The following EPHA4 variants were observed in gnomAD, a reference collection of about 807,000 sequenced individuals.
EPHA4 encodes the protein EPH receptor A4, also known as ephrin type-A receptor 4.
In EPHA4, 19 loss-of-function variants were observed where a neutral mutation model predicts 108.3. The observed-to-expected ratio is 0.18, with a 90% CI of 0.12 to 0.26. The LOEUF is 0.26. Among genes scored for constraint, EPHA4 ranks in the 10% least tolerant of loss-of-function variants. The pLI is 1.00. For missense variants in EPHA4, 917 were observed against 1,254.0 expected (o/e 0.73, Z 4.06); for synonymous variants, 449 against 455.5 (o/e 0.99, Z 0.18).
intron 14 of EPHA4, among the ~76,000 whole-genome samples, chr2:221,432,293 C>G (rs182343996): frequency 3.7e-4 from 56 of 152,158 alleles, no homozygotes; most frequent in Admixed American, 1.8e-3. Context: ...GCTTAAGTAT[C>G]GAATAATTAC....
chr2:221,570,174 G>A (rs1355149738), intron 1 of EPHA4, among the ~76,000 whole-genome samples: 1 of 152,026 alleles, frequency 6.6e-6, no homozygotes, highest in Non-Finnish European at 1.5e-5. Context: ...AAAAGGAAAC[G>A]TGATGGGAAT....
chr2:221,460,235 T>C (rs549826231), intron 5 of EPHA4, among the ~76,000 whole-genome samples: 2 of 152,104 alleles, frequency 1.3e-5, no homozygotes, highest in Admixed American at 1.3e-4. Flanking sequence ...ACAGCTGTCA[T>C]AAAAATGGAG....
chr2:221,485,376 G>A (rs921780116), intron 4 of EPHA4, among the ~76,000 whole-genome samples: 2 of 152,194 alleles, frequency 1.3e-5, no homozygotes, highest in Non-Finnish European at 2.9e-5. Flanking sequence ...TGTGGGCAGC[G>A]ATTCTGAAGG....
chr2:221,502,683 T>C, intron 3 of EPHA4: 1 of 444,610 alleles, frequency 2.2e-6, no homozygotes, highest in Non-Finnish European at 4.6e-6. Context: ...ATTTTCTTAA[T>C]CATACTCTTG....
chr2:221,455,440 C>G, intron 8 of EPHA4, 107 bp downstream of exon 8: 1 of 844,394 alleles, frequency 1.2e-6, no homozygotes, highest in Non-Finnish European at 1.9e-6. Flanking sequence ...ATGCAGATGC[C>G]AAGTTTATGA....
chr2:221,482,014 C>T (rs977851080), intron 5 of EPHA4, among the ~76,000 whole-genome samples: 1 of 152,168 alleles, frequency 6.6e-6, no homozygotes, highest in South Asian at 2.1e-4. Context: ...AAGCAATCCT[C>T]CCACCTGAGC....
intron 11 of EPHA4, among the ~76,000 whole-genome samples, chr2:221,442,262 G>T (rs887804054): frequency 1.3e-5 from 2 of 152,172 alleles, no homozygotes; most frequent in Non-Finnish European, 2.9e-5. Flanking sequence ...GAGCTGTGTC[G>T]CATTTTAACT....
chr2:221,544,181 A>AG (rs1693917260), intron 3 of EPHA4, among the ~76,000 whole-genome samples: 1 of 152,200 alleles, frequency 6.6e-6, no homozygotes, highest in Admixed American at 6.5e-5. Context: ...ATAAATTCGA[A>AG]GGGGGCATAA....
chr2:221,464,412 A>T lies in EPHA4; in HGVS notation c.1319-6422T>A, dbSNP rs114102295. Among the ~76,000 whole-genome samples the T allele has an allele frequency of 3.0e-3, 454 of 152,306 alleles. 3 individuals are homozygous for T. The highest frequency in any genetic ancestry group is 0.011 in the African/African-American group (441 of 41,574). On this transcript the variant is annotated intron_variant, in intron 5 of 17. Coordinates refer to ENST00000281821, the MANE Select transcript of EPHA4 (RefSeq NM_004438.5). ...GCATCAGAATTAAATGCTTCAGAGC[A>T]CTAATGATATCCTTGTGATTAAGGG... is the stretch of plus-strand genomic sequence containing the variant.
intron 5 of EPHA4, among the ~76,000 whole-genome samples, chr2:221,480,043 TCCCACCCCAC>T (rs1208371977): frequency 6.8e-6 from 1 of 147,532 alleles, no homozygotes; most frequent in Non-Finnish European, 1.5e-5. Context: ...TAAAACTTCA[TCCCACCCCAC>T]CCCACCCCAC....
intron 8 of EPHA4, among the ~76,000 whole-genome samples, chr2:221,449,725 A>C (rs1397836845): frequency 6.6e-6 from 1 of 152,244 alleles, no homozygotes; most frequent in Non-Finnish European, 1.5e-5. Flanking sequence ...GGAGCAAGGC[A>C]GGGGCCCAGC....
intron 8 of EPHA4, among the ~76,000 whole-genome samples, chr2:221,447,046 A>G (rs1176067476): frequency 6.6e-6 from 1 of 152,210 alleles, no homozygotes; most frequent in African/African-American, 2.4e-5. Flanking sequence ...CTGGAAAATC[A>G]ACTCAAGCCT....
Position 221,569,757 on chromosome 2 carries a change from G to T in EPHA4, c.92-972C>A, listed in dbSNP as rs192976786. On this transcript the variant is annotated intron_variant, in intron 1 of 17. Coordinates refer to ENST00000281821, the MANE Select transcript of EPHA4 (RefSeq NM_004438.5). Reference sequence around the variant, plus strand: ...TGGCTCTTCAGGCTGGGGGAGGGGTGGGAATGGGAAGCCGCCATCCGTGCT... The same window carrying T: ...TGGCTCTTCAGGCTGGGGGAGGGGTTGGAATGGGAAGCCGCCATCCGTGCT... 3.0e-3 allele frequency among the ~76,000 whole-genome samples: 450 copies of T among 152,128 alleles called. 1 individual carries two copies. The highest frequency in any genetic ancestry group is 0.017 in the Middle Eastern group (5 of 294).
At chr2:221,535,604 A>G (rs1693646709) in intron 3 of EPHA4, among the ~76,000 whole-genome samples, 1 of 151,560 alleles carries the variant, frequency 6.6e-6, no homozygotes, top group African/African-American at 2.4e-5. Flanking sequence ...TTCCTCTTCA[A>G]ACAACGGATT....
chr2:221,425,755 A>C lies in EPHA4; in HGVS notation c.*273T>G. On this transcript the variant is annotated 3_prime_UTR_variant, in exon 17 of 18. Coordinates refer to ENST00000281821, the MANE Select transcript of EPHA4 (RefSeq NM_004438.5). Reference sequence around the variant, plus strand: ...AACTCAGAGGCAGTGTTCTATTTCTATAGGTACATGTATTTTACAGACTGG... The same window carrying C: ...AACTCAGAGGCAGTGTTCTATTTCTCTAGGTACATGTATTTTACAGACTGG... 1 of 353,430 alleles carries C rather than the reference A, an allele frequency of 2.8e-6. No individual in the cohort carries two copies. The highest frequency in any genetic ancestry group is 5.2e-6 in the Non-Finnish European group (1 of 194,078). 21.9% of individuals were successfully genotyped at this position (353,430 alleles called of 1,614,324 possible).
At chr2:221,553,465 T>C (rs529985248) in intron 3 of EPHA4, among the ~76,000 whole-genome samples, 15 of 152,198 alleles carry the variant, frequency 9.9e-5, no homozygotes, top group Non-Finnish European at 2.2e-4. Flanking sequence ...TGGCCCATAT[T>C]TACCTGCCAT....
intron 3 of EPHA4, among the ~76,000 whole-genome samples, chr2:221,548,360 C>CT (rs1694063190): frequency 6.7e-6 from 1 of 149,726 alleles, no homozygotes; most frequent in African/African-American, 2.5e-5. Context: ...GAGAGTCCGT[C>CT]TCAAAAAAAA....
At chr2:221,440,599 C>G (rs971046796) in intron 11 of EPHA4, among the ~76,000 whole-genome samples, 2 of 147,468 alleles carry the variant, frequency 1.4e-5, no homozygotes, top group Admixed American at 1.3e-4. Context: ...ATCCTTCTCA[C>G]CAAGGTTCCT....
intron 3 of EPHA4, among the ~76,000 whole-genome samples, chr2:221,508,264 G>A (rs1328703844): frequency 2.6e-5 from 4 of 152,174 alleles, no homozygotes; most frequent in Non-Finnish European, 5.9e-5. Flanking sequence ...TTTGGAGTGG[G>A]GAGAGGGCAT....
Sources: allele counts gnomAD v4.1 joint callset (sites outside exome capture counted in the v4.1 genomes callset), GRCh38; gene constraint gnomAD v4.1.1; transcripts MANE v1.5; gene names NCBI Gene and HGNC (gene_info 2026-07-23, HGNC 2026-07-21).